Variants in NRXN3 observed in about 807,000 individuals in gnomAD.
NRXN3 encodes neurexin III.
A neutral mutation model predicts 137.6 loss-of-function variants in NRXN3; 32 were observed. That is an observed-to-expected ratio of 0.23 (90% CI 0.18 to 0.31). The LOEUF (loss-of-function observed/expected upper bound fraction) is 0.31, where lower values mean the gene tolerates loss of function less well. NRXN3 is among the 10% of genes least tolerant of loss of function. The pLI is 1.00. For synonymous variants in NRXN3, 798 were observed against 784.5 expected, an observed-to-expected ratio of 1.02 and a Z score of -0.29; for missense variants, 1,574 against 2,062.5, an observed-to-expected ratio of 0.76 and a Z score of 4.59.
At chr14:79,071,689 G>A (rs1399071203) in intron 15 of NRXN3, among the ~76,000 whole-genome samples, 1 of 151,988 alleles carries the variant, frequency 6.6e-6, no homozygotes, top group East Asian at 1.9e-4. Flanking sequence ...GAACTTGGAG[G>A]GAAAAGTGGG....
In NRXN3 at chr14:78,321,185, A is replaced by G. The variant is rs111997755; in HGVS notation, c.757+23325A>G. 5.9e-3 allele frequency among the ~76,000 whole-genome samples: 903 copies of G among 152,086 alleles called. 8 individuals carry two copies. Among genetic ancestry groups the G allele is most frequent in the Middle Eastern group, 0.01 (3 of 294 alleles). On this transcript the variant is annotated intron_variant, in intron 4 of 20. Transcript: ENST00000335750. ...AATTATCCCTGCTGGGATTGCTGGG[A>G]TTCAAGTCCAGGGTGCTCTTCATAA... is the stretch of plus-strand genomic sequence containing the variant.
intron 4 of NRXN3, among the ~76,000 whole-genome samples, chr14:78,622,479 C>T (rs1012440916): frequency 2.6e-5 from 4 of 152,150 alleles, no homozygotes; most frequent in African/African-American, 4.8e-5. Flanking sequence ...AAAGGACATG[C>T]GTTTGGGGTC....
chr14:78,262,823 T>G (rs1315934738), intron 2 of NRXN3, among the ~76,000 whole-genome samples: 1 of 152,196 alleles, frequency 6.6e-6, no homozygotes, highest in East Asian at 1.9e-4. Context: ...TGGGCCATTC[T>G]TCCTTGATTT....
intron 19 of NRXN3, among the ~76,000 whole-genome samples, chr14:79,756,535 G>A (rs960171624): frequency 6.6e-6 from 1 of 152,014 alleles, no homozygotes; most frequent in Non-Finnish European, 1.5e-5. Context: ...TTCTTTTATA[G>A]CTTTTGTCAC....
intron 1 of NRXN3, among the ~76,000 whole-genome samples, chr14:78,226,383 G>A (rs1425544106): frequency 6.6e-6 from 1 of 152,160 alleles, no homozygotes; most frequent in Admixed American, 6.5e-5. Context: ...GGTTGTGACC[G>A]CTTAACTCCC....
rs552739680 is a variant in NRXN3, at chr14:79,656,635, T to G, written c.3445-7143T>G. On this transcript the variant is annotated intron_variant, in intron 16 of 20. Coordinates refer to ENST00000335750, the MANE Select transcript of NRXN3 (RefSeq NM_001330195.2). ...CTCTCTCTTTTTTTTTTTTTTTTGC[T>G]TGGAGTCAGAGATGGAGCTGTCTCG... 5.0e-4 allele frequency among the ~76,000 whole-genome samples: 75 copies of G among 151,156 alleles called. 1 individual carries two copies. In the South Asian group the frequency reaches 0.015, roughly 29 times the overall value.
chr14:78,475,107 A>G (rs906855779), intron 4 of NRXN3, among the ~76,000 whole-genome samples: 4 of 152,184 alleles, frequency 2.6e-5, no homozygotes, highest in African/African-American at 9.7e-5. Context: ...TAACCGATAG[A>G]GTGGGTGACA....
At chr14:79,374,370 A>G (rs1160784580) in intron 15 of NRXN3, among the ~76,000 whole-genome samples, 2 of 152,068 alleles carry the variant, frequency 1.3e-5, no homozygotes, top group African/African-American at 4.8e-5. Context: ...GAGTTTAGGC[A>G]CAACTGACCA....
chr14:79,783,102 G>T (rs1402013823), intron 19 of NRXN3, among the ~76,000 whole-genome samples: 1 of 152,190 alleles, frequency 6.6e-6, no homozygotes, highest in African/African-American at 2.4e-5. Context: ...TGCTGTGATA[G>T]CATAAATGTC....
chr14:79,521,214 A>T (rs1435963004), intron 16 of NRXN3, among the ~76,000 whole-genome samples: 1 of 152,146 alleles, frequency 6.6e-6, no homozygotes, highest in South Asian at 2.1e-4. Flanking sequence ...TTACTTTATC[A>T]TATAGTTTCT....
chr14:78,961,177 T>G (rs2099407471), intron 11 of NRXN3, among the ~76,000 whole-genome samples: 2 of 152,208 alleles, frequency 1.3e-5, no homozygotes, highest in Admixed American at 1.3e-4. Context: ...TGGTACTCTG[T>G]AAGCCTTCGT....
chr14:79,675,778 A>T (rs2098637518), intron 17 of NRXN3, among the ~76,000 whole-genome samples: 4 of 152,138 alleles, frequency 2.6e-5, no homozygotes, highest in Admixed American at 2.0e-4. Context: ...ATTCAACACC[A>T]AAGACAGACA....
At chr14:78,855,756 C>T (rs1030356329) in intron 10 of NRXN3, among the ~76,000 whole-genome samples, 6 of 152,140 alleles carry the variant, frequency 3.9e-5, no homozygotes, top group African/African-American at 7.2e-5. Context: ...AGTGGAGATT[C>T]GTTCATGATT....
chr14:79,435,885 C>T (rs1217117458), intron 15 of NRXN3, among the ~76,000 whole-genome samples: 1 of 152,082 alleles, frequency 6.6e-6, no homozygotes, highest in Admixed American at 6.6e-5. Context: ...CCTCACACCT[C>T]GGCCTCCCAA....
chr14:79,239,750 C>A (rs114985730), intron 15 of NRXN3, among the ~76,000 whole-genome samples: 227 of 152,174 alleles, frequency 1.5e-3, no homozygotes, highest in African/African-American at 5.3e-3. Flanking sequence ...AAGAGTCAAC[C>A]TAAGTGTTCA....
chr14:78,905,203 T>C (rs1188069048), intron 10 of NRXN3, among the ~76,000 whole-genome samples: 1 of 152,082 alleles, frequency 6.6e-6, no homozygotes. Context: ...GCCTGTGTTC[T>C]ACAGAGGATC....
At chr14:78,899,388 A>G (rs982975122) in intron 10 of NRXN3, among the ~76,000 whole-genome samples, 6 of 152,040 alleles carry the variant, frequency 3.9e-5, no homozygotes, top group Non-Finnish European at 8.8e-5. Flanking sequence ...GTTTCACCTG[A>G]GAAGATTTTA....
intron 20 of NRXN3, among the ~76,000 whole-genome samples, chr14:79,848,100 A>G (rs1365560459): frequency 6.6e-6 from 1 of 152,190 alleles, no homozygotes; most frequent in African/African-American, 2.4e-5. Flanking sequence ...CACATCTTTC[A>G]ATACTTGAAG....
intron 7 of NRXN3, 36 bp from the exon 8 acceptor site, chr14:78,714,720 T>C (rs1338116901): frequency 1.9e-6 from 3 of 1,599,052 alleles, no homozygotes; most frequent in African/African-American, 1.3e-5. Flanking sequence ...GTTAAGCAAC[T>C]GGCAGACTCA....
Sources: allele counts gnomAD v4.1 joint callset (sites outside exome capture counted in the v4.1 genomes callset), GRCh38; gene constraint gnomAD v4.1.1; transcripts MANE v1.5; gene names NCBI Gene and HGNC (gene_info 2026-07-23, HGNC 2026-07-21).